VAMP7: variants seen among roughly 807,000 people sequenced by gnomAD.
VAMP7 encodes vesicle associated membrane protein 7.
VAMP7 carries 14 observed loss-of-function variants against 29.6 expected under a neutral mutation model. That is an observed-to-expected ratio of 0.47 (90% CI 0.31 to 0.74). VAMP7 has a LOEUF of 0.74. Ranked by LOEUF, VAMP7 falls within the 30% of genes least tolerant of loss-of-function variation. The pLI, the probability that VAMP7 is intolerant of heterozygous loss-of-function variation, is 0.05. For synonymous variants in VAMP7, 95 were observed against 88.1 expected, an observed-to-expected ratio of 1.08 and a Z score of -0.44; for missense variants, 223 against 262.4, an observed-to-expected ratio of 0.85 and a Z score of 1.04.
chrX:155,893,301 A>G lies in VAMP7; in HGVS notation c.147-2322A>G, dbSNP rs371498902. On this transcript the variant is annotated intron_variant, in intron 2 of 7. Transcript: ENST00000286448. ...AGTAGTGTAGGTAGTCCTGGAGCTCAGGAGATAGGTCAGATGGAGATTTGG... is the reference window on the plus strand; with the variant it reads ...AGTAGTGTAGGTAGTCCTGGAGCTCGGGAGATAGGTCAGATGGAGATTTGG... Among the ~76,000 whole-genome samples, 768 of 152,288 alleles carry G rather than the reference A, an allele frequency of 5.0e-3. 5 individuals carry two copies. Among genetic ancestry groups the G allele is most frequent in the African/African-American group, 0.018 (731 of 41,576 alleles).
chrX:155,922,195 A>G (rs1485366101), intron 6 of VAMP7, among the ~76,000 whole-genome samples: 1 of 151,938 alleles, frequency 6.6e-6, no homozygotes, highest in East Asian at 1.9e-4. Context: ...AGTTCTGGTT[A>G]CTGTTTTGTA....
chrX:155,910,548 GC>G (rs2066222244), intron 5 of VAMP7, among the ~76,000 whole-genome samples: 1 of 150,260 alleles, frequency 6.7e-6, no homozygotes, highest in Non-Finnish European at 1.5e-5. Flanking sequence ...TTCCATAGTA[GC>G]TGCACTAGTT....
At chrX:155,926,037 A>G (rs1412378427) in intron 6 of VAMP7, among the ~76,000 whole-genome samples, 4 of 152,252 alleles carry the variant, frequency 2.6e-5, no homozygotes, top group Non-Finnish European at 4.4e-5. Context: ...CATCCTGTAA[A>G]CAGATGTGCT....
intron 2 of VAMP7, among the ~76,000 whole-genome samples, chrX:155,891,597 ATG>A (rs1012390472): frequency 9.8e-5 from 15 of 152,372 alleles, no homozygotes; most frequent in African/African-American, 3.6e-4. Context: ...AATGAGAAAC[ATG>A]TAGAAGTCAT....
At chrX:155,924,047 A>T (rs2124361380) in intron 6 of VAMP7, among the ~76,000 whole-genome samples, 1 of 152,262 alleles carries the variant, frequency 6.6e-6, no homozygotes, top group Non-Finnish European at 1.5e-5. Context: ...ACTTACATGT[A>T]ATGCAAATTT....
intron 6 of VAMP7, among the ~76,000 whole-genome samples, chrX:155,937,820 A>C (rs1266848723): frequency 6.6e-6 from 1 of 152,150 alleles, no homozygotes; most frequent in Non-Finnish European, 1.5e-5. Flanking sequence ...CATAATAAGC[A>C]CATGTTAAAT....
At chrX:155,939,591 G>C in intron 6 of VAMP7, 110 bp from the exon 7 acceptor site, 1 of 812,024 alleles carries the variant, frequency 1.2e-6, no homozygotes, top group Non-Finnish European at 2.2e-6. Flanking sequence ...TGTAAAGAGA[G>C]GTCATTGGAC....
intron 5 of VAMP7, among the ~76,000 whole-genome samples, chrX:155,910,722 C>A (rs1335940487): frequency 6.6e-6 from 1 of 151,612 alleles, no homozygotes; most frequent in African/African-American, 2.4e-5. Flanking sequence ...TTTTCATATA[C>A]CTTTTGGCCA....
At chrX:155,894,503 T>C (rs1038822108) in intron 2 of VAMP7, among the ~76,000 whole-genome samples, 1 of 152,048 alleles carries the variant, frequency 6.6e-6, no homozygotes. Flanking sequence ...TCACATTCTG[T>C]ACTCTAGTCA....
At chrX:155,901,893 T>C (rs1223345689) in intron 5 of VAMP7, among the ~76,000 whole-genome samples, 2 of 152,154 alleles carry the variant, frequency 1.3e-5, no homozygotes, top group Admixed American at 1.3e-4. Context: ...AAGTAGTTTC[T>C]TCCAATTCTG....
rs2066372555 is a variant in VAMP7, at chrX:155,919,988, T to G, written c.501+108T>G. 4.3e-6 allele frequency: 4 copies of G among 930,006 alleles called. No homozygotes were observed. In the East Asian group the frequency reaches 9.9e-5, roughly 23 times the overall value. 57.6% of individuals were successfully genotyped at this position (930,006 alleles called of 1,614,324 possible). On this transcript the variant is annotated intron_variant, in intron 6 of 7. Coordinates refer to ENST00000286448, the MANE Select transcript of VAMP7 (RefSeq NM_005638.6). ...TAAATTCAAATATTTGGTGGTTTTT[T>G]TTTCTTTCTCATTTCCATTATGTGA... is the stretch of plus-strand genomic sequence containing the variant.
chrX:155,897,047 T>C (rs1021021477), intron 3 of VAMP7, among the ~76,000 whole-genome samples: 2 of 151,990 alleles, frequency 1.3e-5, no homozygotes, highest in Non-Finnish European at 2.9e-5. Flanking sequence ...TAGTCATAGG[T>C]CTAATAACTA....
chrX:155,897,606 A>T, intron 3 of VAMP7, among the ~76,000 whole-genome samples: 2 of 152,286 alleles, frequency 1.3e-5, no homozygotes, highest in Middle Eastern at 6.8e-3. Context: ...CAGAGAACAC[A>T]CATACTTTTT....
At position 155,895,562 on chromosome X, in the gene VAMP7, G is replaced by C. The variant is rs1317825299; in HGVS notation, c.147-61G>C. The C allele has an allele frequency of 1.1e-5, 14 of 1,273,282 alleles. No individual in the cohort carries two copies. In the South Asian group the frequency reaches 1.3e-4, roughly 12 times the overall value. The allele number at this position is 1,273,282 out of a possible 1,614,324, so 78.9% of individuals were successfully genotyped here. A position where few individuals can be genotyped will look rare whatever the true frequency, so the allele number is the denominator to read the frequency against. ...TGAACGTGCTTATACATAGATAGAAGATAGAAGTAAAAGTGATGTTGCTTA... is the reference window on the plus strand; with the variant it reads ...TGAACGTGCTTATACATAGATAGAACATAGAAGTAAAAGTGATGTTGCTTA... On this transcript the variant is annotated intron_variant, in intron 2 of 7. Transcript: ENST00000286448.
intron 2 of VAMP7, among the ~76,000 whole-genome samples, chrX:155,891,724 C>G (rs1463830353): frequency 6.6e-6 from 1 of 152,170 alleles, no homozygotes; most frequent in African/African-American, 2.4e-5. Flanking sequence ...CCCTTTTTCC[C>G]TGACTCCTGG....
intron 1 of VAMP7, among the ~76,000 whole-genome samples, chrX:155,884,009 GC>G (rs1374997278): frequency 6.6e-6 from 1 of 151,750 alleles, no homozygotes; most frequent in Non-Finnish European, 1.5e-5. Context: ...ACCATGCCCG[GC>G]CAAGAAACAC....
intron 6 of VAMP7, among the ~76,000 whole-genome samples, chrX:155,925,884 A>G (rs758416714): frequency 6.6e-6 from 1 of 151,746 alleles, no homozygotes; most frequent in African/African-American, 2.4e-5. Flanking sequence ...TTTTCCTTTC[A>G]CACAGGCATG....
chrX:155,889,324 T>G, intron 1 of VAMP7, 134 bp from the exon 2 acceptor site: 1 of 1,270,768 alleles, frequency 7.9e-7, no homozygotes, highest in Non-Finnish European at 1.1e-6. Context: ...CTCTTAAGTC[T>G]GTTGTTAAGT....
chrX:155,915,658 A>G (rs1452146794), intron 5 of VAMP7, among the ~76,000 whole-genome samples: 5 of 152,096 alleles, frequency 3.3e-5, no homozygotes, highest in Admixed American at 1.3e-4. Context: ...TTCATTTTCC[A>G]TGTAGTTGTG....
Sources: allele counts gnomAD v4.1 joint callset (sites outside exome capture counted in the v4.1 genomes callset), GRCh38; gene constraint gnomAD v4.1.1; transcripts MANE v1.5; gene names NCBI Gene and HGNC (gene_info 2026-07-23, HGNC 2026-07-21).